Variants in LOXL2 observed in about 807,000 individuals in gnomAD.
LOXL2 encodes the protein lysyl oxidase homolog 2.
LOXL2 carries 70 observed loss-of-function variants against 93.0 expected under a neutral mutation model. That is an observed-to-expected ratio of 0.75 (90% CI 0.62 to 0.92). The LOEUF is 0.92. Among genes scored for constraint, LOXL2 ranks in the 40% least tolerant of loss-of-function variants. LOXL2 has a pLI of 0.00. For synonymous variants in LOXL2, 438 were observed against 413.2 expected, an observed-to-expected ratio of 1.06 and a Z score of -0.73; for missense variants, 973 against 1,054.9, an observed-to-expected ratio of 0.92 and a Z score of 1.08.
intron 5 of LOXL2, among the ~76,000 whole-genome samples, chr8:23,332,880 TCATACACACACCCC>T (rs1223959737): frequency 8.2e-6 from 1 of 122,218 alleles, no homozygotes; most frequent in Non-Finnish European, 1.7e-5. Context: ...ACGCACAGAC[TCATACACACACCCC>T]CATACACATA....
rs1803170797 is a variant in LOXL2, at chr8:23,303,317, G to A, written c.1961C>T (p.Ala654Val). Residue 654 changes from alanine to valine, a missense_variant, in exon 11 of 14, where the codon GCC becomes GTC. Coordinates refer to ENST00000389131, the MANE Select transcript of LOXL2 (RefSeq NM_002318.3). ...TTCTGTGTCCTCCAAGCAGAAGCTG[G>A]CCTTGTGGCCCTCTGCCACCTTGGT... ...NGTKVAEGHK[A>V]SFCLEDTECE... 6.2e-7 allele frequency: 1 copy of A among 1,613,418 alleles called. No individual in the cohort carries two copies. Among genetic ancestry groups the A allele is most frequent in the Non-Finnish European group, 8.5e-7 (1 of 1,179,752 alleles).
At chr8:23,395,777 G>A (rs962876735) in intron 1 of LOXL2, among the ~76,000 whole-genome samples, 17 of 152,004 alleles carry the variant, frequency 1.1e-4, no homozygotes, top group African/African-American at 3.6e-4. Context: ...CTGGCTCACC[G>A]TAACCTCCGC....
intron 4 of LOXL2, chr8:23,337,412 G>C (rs1803811347): frequency 6.6e-6 from 1 of 152,230 alleles, no homozygotes; most frequent in Non-Finnish European, 1.5e-5. Flanking sequence ...CAAGGTGAAA[G>C]GCATGTCTTC....
At chr8:23,306,854 C>T (rs3808521) in intron 10 of LOXL2, among the ~76,000 whole-genome samples, 109,974 of 152,138 alleles carry the variant, frequency 0.72, 39,990 homozygotes, top group South Asian at 0.86. Flanking sequence ...AGCGGTGGCC[C>T]CACAAGAGGC....
intron 3 of LOXL2, among the ~76,000 whole-genome samples, chr8:23,349,411 C>T (rs1165845634): frequency 6.6e-6 from 1 of 152,088 alleles, no homozygotes; most frequent in East Asian, 1.9e-4. Context: ...GTTATTCATC[C>T]ATTCAAAAAT....
chr8:23,356,049 T>C (rs1455226776), intron 3 of LOXL2, among the ~76,000 whole-genome samples: 1 of 152,236 alleles, frequency 6.6e-6, no homozygotes, highest in Admixed American at 6.5e-5. Context: ...TATTTCAACC[T>C]ACAGCAGTTT....
chr8:23,336,147 C>T (rs1803787776), intron 4 of LOXL2: 1 of 152,398 alleles, frequency 6.6e-6, no homozygotes, highest in Non-Finnish European at 1.5e-5. Context: ...ATTGGTCAGA[C>T]CTCACCGCCT....
At chr8:23,303,142 G>A (rs1803167653) in intron 11 of LOXL2, 140 bp downstream of exon 11, 1 of 670,820 alleles carries the variant, frequency 1.5e-6, no homozygotes, top group Non-Finnish European at 2.7e-6. Context: ...TATAGCTGAG[G>A]AAGGTCCAGG....
At position 23,359,300 on chromosome 8, in the gene LOXL2, T is replaced by C. The variant is rs144458580; in HGVS notation, c.531+790A>G. Among the ~76,000 whole-genome samples, 7 of 152,310 alleles carry C rather than the reference T, an allele frequency of 4.6e-5. No individual in the cohort carries two copies. The East Asian group carries it at 1.3e-3, about 29-fold the overall frequency. ...TACCAGAGTTAGTCTGTGTGATCCA[T>C]AGAATACAGCAGAAATGATGGCCTA... On this transcript the variant is annotated intron_variant, in intron 3 of 13. Coordinates refer to ENST00000389131, the MANE Select transcript of LOXL2 (RefSeq NM_002318.3).
intron 13 of LOXL2, 149 bp downstream of exon 13, chr8:23,298,686 GT>G: frequency 1.7e-6 from 1 of 600,432 alleles, no homozygotes; most frequent in Non-Finnish European, 3.0e-6. Context: ...ATCCAGGCCT[GT>G]GTGTCTGTGG....
intron 5 of LOXL2, among the ~76,000 whole-genome samples, chr8:23,332,760 CCA>C (rs201076468): frequency 9.8e-4 from 77 of 78,950 alleles, no homozygotes; most frequent in African/African-American, 3.8e-3. Flanking sequence ...ATACACACCC[CCA>C]CTCATACACA....
rs377268154 is a variant in LOXL2 at position 23,403,250 on chromosome 8, A to G, written c.-84+704T>C. 4.6e-5 allele frequency among the ~76,000 whole-genome samples: 7 copies of G among 151,866 alleles called. No individual in the cohort carries two copies. The East Asian group carries it at 1.4e-3, about 29-fold the overall frequency. ...GGTTCGCTCGTGCCCGTTCTTTCCAACTCCAGGGCTTCTAGGTGATGAAGG... is the reference window on the plus strand; with the variant it reads ...GGTTCGCTCGTGCCCGTTCTTTCCAGCTCCAGGGCTTCTAGGTGATGAAGG... On this transcript the variant is annotated intron_variant, in intron 1 of 13. Coordinates refer to ENST00000389131, the MANE Select transcript of LOXL2 (RefSeq NM_002318.3).
At position 23,403,967 on chromosome 8, in the gene LOXL2, T is replaced by A; in HGVS notation, c.-97A>T. On this transcript the variant is annotated 5_prime_UTR_variant, in exon 1 of 14. Coordinates refer to ENST00000389131, the MANE Select transcript of LOXL2 (RefSeq NM_002318.3). ...AAGCGCTCTTACTTGGTTTCAGGGA[T>A]CCGCAGTGGCCGGGCTGGGACCGCG... The A allele has an allele frequency of 6.1e-6, 1 of 165,238 alleles. No homozygotes were observed. Among genetic ancestry groups the A allele is most frequent in the Non-Finnish European group, 1.3e-5 (1 of 74,912 alleles). The allele number at this position is 165,238 out of a possible 1,614,324, so 10.2% of individuals were successfully genotyped here. A position where few individuals can be genotyped will look rare whatever the true frequency, so the allele number is the denominator to read the frequency against.
chr8:23,342,601 G>A (rs780518984), intron 3 of LOXL2, among the ~76,000 whole-genome samples: 1 of 151,688 alleles, frequency 6.6e-6, no homozygotes, highest in Non-Finnish European at 1.5e-5. Flanking sequence ...CCGGCCAATT[G>A]TTTGTATTTT....
intron 1 of LOXL2, among the ~76,000 whole-genome samples, chr8:23,369,038 G>T (rs1804458108): frequency 6.6e-6 from 1 of 152,200 alleles, no homozygotes; most frequent in Non-Finnish European, 1.5e-5. Flanking sequence ...AGCCCATTGA[G>T]GGAGCCCGTG....
At chr8:23,320,307 A>T (rs1585348715) in intron 7 of LOXL2, among the ~76,000 whole-genome samples, 1 of 152,268 alleles carries the variant, frequency 6.6e-6, no homozygotes, top group African/African-American at 2.4e-5. Flanking sequence ...GCAGAAGCTG[A>T]CCCTGCTCCC....
At chr8:23,360,382 G>A (rs1426553825) in intron 2 of LOXL2, 117 bp from the exon 3 acceptor site, 1 of 678,232 alleles carries the variant, frequency 1.5e-6, no homozygotes, top group East Asian at 2.7e-5. Flanking sequence ...GCAGCTGTGT[G>A]TGGCCATCCA....
intron 13 of LOXL2, among the ~76,000 whole-genome samples, 161 bp downstream of exon 13, chr8:23,298,675 C>T (rs1192201964): frequency 1.3e-5 from 2 of 152,216 alleles, no homozygotes; most frequent in African/African-American, 4.8e-5. Flanking sequence ...ACTCAGTCTC[C>T]ATCCAGGCCT....
intron 1 of LOXL2, among the ~76,000 whole-genome samples, chr8:23,403,416 G>A (rs1358829314): frequency 1.3e-5 from 2 of 152,044 alleles, no homozygotes; most frequent in Admixed American, 6.5e-5. Context: ...GGGTTGAACC[G>A]GGTTCAAGCA....
Sources: gnomAD v4.1 joint callset for allele counts (sites outside exome capture counted in the v4.1 genomes callset) on GRCh38, gnomAD v4.1.1 for gene constraint, MANE v1.5 for transcripts, NCBI Gene and HGNC (gene_info 2026-07-23, HGNC 2026-07-21) for gene names.